FHIT: variants seen among roughly 807,000 people sequenced by gnomAD.
FHIT encodes the protein fragile histidine triad diadenosine triphosphatase.
FHIT carries 19 observed loss-of-function variants against 17.9 expected under a neutral mutation model. The observed-to-expected ratio is 1.06, with a 90% CI of 0.74 to 1.56. The LOEUF is 1.56. Among genes scored for constraint, FHIT ranks in the 40% most tolerant of loss-of-function variants. The probability of loss-of-function intolerance (pLI) is 0.00; values close to 1 mark genes in which losing one functional copy is unlikely to be tolerated. For synonymous variants in FHIT, 81 were observed against 69.7 expected (o/e 1.16, Z -0.81); for missense variants, 248 against 189.2 (o/e 1.31, Z -1.82).
At chr3:60,930,681 G>T (rs1470435077) in intron 3 of FHIT, among the ~76,000 whole-genome samples, 1 of 152,154 alleles carries the variant, frequency 6.6e-6, no homozygotes, top group African/African-American at 2.4e-5. Context: ...TCTCACACCA[G>T]TTAGAATGGC....
intron 5 of FHIT, among the ~76,000 whole-genome samples, chr3:60,361,245 G>C (rs895945300): frequency 6.6e-6 from 1 of 152,184 alleles, no homozygotes; most frequent in Non-Finnish European, 1.5e-5. Context: ...ATAAAGAAGA[G>C]ATGAAACTAG....
intron 2 of FHIT, among the ~76,000 whole-genome samples, chr3:61,048,798 A>C (rs2033913332): frequency 6.6e-6 from 1 of 152,202 alleles, no homozygotes; most frequent in Admixed American, 6.5e-5. Context: ...TGCAGCCATA[A>C]AAAATGATGA....
chr3:60,365,794 A>C (rs972274201), intron 5 of FHIT, among the ~76,000 whole-genome samples: 2 of 152,196 alleles, frequency 1.3e-5, no homozygotes, highest in African/African-American at 2.4e-5. Flanking sequence ...TTGACTCTGA[A>C]TGTTCAGTAA....
chr3:60,156,027 CT>C (rs1484972236), intron 5 of FHIT, among the ~76,000 whole-genome samples: 6 of 152,118 alleles, frequency 3.9e-5, no homozygotes, highest in Non-Finnish European at 7.4e-5. Flanking sequence ...AAGATTGGAA[CT>C]GTTTCCTAGC....
chr3:60,948,347 C>T (rs9833215), intron 3 of FHIT, among the ~76,000 whole-genome samples: 1 of 152,146 alleles, frequency 6.6e-6, no homozygotes, highest in African/African-American at 2.4e-5. Flanking sequence ...TTTTGGGTCC[C>T]TACAGATTTA....
intron 5 of FHIT, among the ~76,000 whole-genome samples, chr3:60,227,174 G>A (rs1704250040): frequency 6.6e-6 from 1 of 152,140 alleles, no homozygotes; most frequent in Non-Finnish European, 1.5e-5. Context: ...GACCACCGGT[G>A]ATTCAAAGGA....
At chr3:61,216,472 A>C (rs181638352) in intron 1 of FHIT, among the ~76,000 whole-genome samples, 2 of 152,376 alleles carry the variant, frequency 1.3e-5, no homozygotes, top group East Asian at 3.9e-4. Flanking sequence ...TAGAATGGCA[A>C]TCATTAAAAA....
At chr3:60,354,558 A>G (rs1258481600) in intron 5 of FHIT, among the ~76,000 whole-genome samples, 1 of 152,166 alleles carries the variant, frequency 6.6e-6, no homozygotes, top group Admixed American at 6.5e-5. Flanking sequence ...TCCCAAATTT[A>G]ATTCTAATAA....
chr3:59,882,624 TAC>T (rs1317700716), intron 8 of FHIT, among the ~76,000 whole-genome samples: 2 of 152,102 alleles, frequency 1.3e-5, no homozygotes, highest in Non-Finnish European at 2.9e-5. Context: ...TAGGTGGAGG[TAC>T]AGAGGGGTTA....
At chr3:60,028,645 T>C (rs2106771790) in intron 5 of FHIT, among the ~76,000 whole-genome samples, 1 of 152,128 alleles carries the variant, frequency 6.6e-6, no homozygotes, top group East Asian at 1.9e-4. Context: ...AAAAACCAAA[T>C]GTGACAACCC....
chr3:60,669,273 A>AGT (rs2040457041), intron 4 of FHIT, among the ~76,000 whole-genome samples: 1 of 152,206 alleles, frequency 6.6e-6, no homozygotes, highest in Non-Finnish European at 1.5e-5. Context: ...TCATCCTTGC[A>AGT]AATGGACATA....
At chr3:60,348,375 TAGC>T (rs569485738) in intron 5 of FHIT, among the ~76,000 whole-genome samples, 457 of 149,608 alleles carry the variant, frequency 3.1e-3, no homozygotes, top group Non-Finnish European at 4.8e-3. Context: ...TTTTCACAAA[TAGC>T]AGTGTCAAAT....
At chr3:59,933,957 A>G (rs1051914575) in intron 7 of FHIT, among the ~76,000 whole-genome samples, 2 of 152,170 alleles carry the variant, frequency 1.3e-5, no homozygotes, top group Non-Finnish European at 2.9e-5. Context: ...ACATGTTCAG[A>G]GTAGAGCTCT....
intron 4 of FHIT, among the ~76,000 whole-genome samples, chr3:60,557,989 A>G (rs931214842): frequency 3.0e-4 from 46 of 152,120 alleles, no homozygotes; most frequent in African/African-American, 9.9e-4. Context: ...GGCAACAAAT[A>G]GAATTTTTTA....
intron 2 of FHIT, among the ~76,000 whole-genome samples, chr3:61,102,191 T>C (rs756490069): frequency 1.3e-5 from 2 of 152,196 alleles, no homozygotes; most frequent in Non-Finnish European, 2.9e-5. Flanking sequence ...GGCTGCGGGT[T>C]TGTCATAAAT....
intron 8 of FHIT, among the ~76,000 whole-genome samples, chr3:59,856,191 C>T (rs1479834442): frequency 6.6e-6 from 1 of 152,002 alleles, no homozygotes; most frequent in East Asian, 1.9e-4. Context: ...AACTATCTGT[C>T]AAAATTTTTA....
intron 8 of FHIT, among the ~76,000 whole-genome samples, chr3:59,870,076 A>G (rs73839551): frequency 0.028 from 4,194 of 152,256 alleles, 203 homozygotes; most frequent in African/African-American, 0.095. Context: ...TAGAGTTCAA[A>G]GAATTTACTC....
chr3:60,172,439 A>ATT (rs563530884), intron 5 of FHIT, among the ~76,000 whole-genome samples: 5,803 of 134,408 alleles, frequency 0.043, 385 homozygotes, highest in African/African-American at 0.15. Context: ...CTAATTTTGT[A>ATT]TTTTTTTTTT....
At chr3:60,590,861 GA>G (rs373422841) in intron 4 of FHIT, among the ~76,000 whole-genome samples, 4 of 152,152 alleles carry the variant, frequency 2.6e-5, no homozygotes, top group African/African-American at 9.6e-5. Context: ...CAGGATTACA[GA>G]AAAAGGGCTC....
Sources: gnomAD v4.1 joint callset for allele counts (sites outside exome capture counted in the v4.1 genomes callset) on GRCh38, gnomAD v4.1.1 for gene constraint, MANE v1.5 for transcripts, NCBI Gene and HGNC (gene_info 2026-07-23, HGNC 2026-07-21) for gene names.